Variants in LINGO2 observed in about 807,000 individuals in gnomAD.
LINGO2 encodes leucine-rich repeat and immunoglobulin-like domain-containing nogo receptor-interacting protein 2.
A neutral mutation model predicts 30.6 loss-of-function variants in LINGO2; 14 were observed. The ratio of observed to expected loss-of-function variants is 0.46; its 90% CI spans 0.30 to 0.72. The LOEUF is 0.72. Ranked by LOEUF, LINGO2 falls within the 30% of genes least tolerant of loss-of-function variation. LINGO2 has a pLI of 0.07. For missense variants in LINGO2, 729 were observed against 751.7 expected, an observed-to-expected ratio of 0.97 and a Z score of 0.35; for synonymous variants, 317 against 288.5, an observed-to-expected ratio of 1.10 and a Z score of -1.00.
intron 4 of LINGO2, among the ~76,000 whole-genome samples, chr9:28,293,681 C>T (rs922196320): frequency 2.0e-5 from 3 of 152,036 alleles, no homozygotes; most frequent in Non-Finnish European, 4.4e-5. Context: ...GGAATGTTAA[C>T]GTCTCCAAAA....
intron 1 of LINGO2, among the ~76,000 whole-genome samples, chr9:28,567,712 G>A (rs1400083189): frequency 6.6e-6 from 1 of 151,920 alleles, no homozygotes; most frequent in Non-Finnish European, 1.5e-5. Flanking sequence ...TCCTATTTGG[G>A]TGACGGGTTC....
chr9:28,006,632 C>T (rs1822281243), intron 5 of LINGO2, among the ~76,000 whole-genome samples: 1 of 152,056 alleles, frequency 6.6e-6, no homozygotes, highest in Admixed American at 6.6e-5. Context: ...TCCAAACCAA[C>T]CCTTTTAACC....
At chr9:29,060,185 A>G in the LINGO2 span, among the ~76,000 whole-genome samples, 1 of 152,080 alleles carries the variant, frequency 6.6e-6, no homozygotes, top group Admixed American at 6.6e-5. Flanking sequence ...AGTGGTGCAG[A>G]AAGTTAAATT....
intron 4 of LINGO2, among the ~76,000 whole-genome samples, chr9:28,179,697 A>G (rs1327173788): frequency 6.9e-6 from 1 of 144,830 alleles, no homozygotes; most frequent in East Asian, 2.0e-4. Flanking sequence ...ACTATAGTAT[A>G]TATATATTCT....
chr9:27,980,163 A>C (rs527779627), intron 5 of LINGO2, among the ~76,000 whole-genome samples: 35 of 152,094 alleles, frequency 2.3e-4, no homozygotes, highest in African/African-American at 7.2e-4. Flanking sequence ...TAGCCAGAAG[A>C]AGCAAAATAA....
chr9:28,980,455 T>A, the LINGO2 span, among the ~76,000 whole-genome samples: 1 of 152,094 alleles, frequency 6.6e-6, no homozygotes, highest in East Asian at 1.9e-4. Context: ...ACATACAGAA[T>A]CCACAACCCC....
At chr9:28,587,547 T>C (rs1824620959) in intron 1 of LINGO2, among the ~76,000 whole-genome samples, 1 of 151,894 alleles carries the variant, frequency 6.6e-6, no homozygotes, top group Admixed American at 6.6e-5. Flanking sequence ...CTTGGCTACC[T>C]GACTGTAGGA....
the LINGO2 span, among the ~76,000 whole-genome samples, chr9:28,851,565 C>T: frequency 1.3e-5 from 2 of 152,004 alleles, no homozygotes; most frequent in East Asian, 1.9e-4. Context: ...GGGATTAGGA[C>T]ATAACATCTA....
chr9:28,828,877 A>C, the LINGO2 span, among the ~76,000 whole-genome samples: 1 of 152,138 alleles, frequency 6.6e-6, no homozygotes, highest in Non-Finnish European at 1.5e-5. Flanking sequence ...CTTGCATCAC[A>C]CAGTCTAGTG....
intron 4 of LINGO2, among the ~76,000 whole-genome samples, chr9:28,041,335 C>T (rs569054276): frequency 3.0e-4 from 45 of 152,304 alleles, no homozygotes; most frequent in African/African-American, 9.9e-4. Context: ...AGTAGATAGA[C>T]TGGCTGTTGT....
At chr9:28,494,762 T>C (rs1206836581) in intron 1 of LINGO2, among the ~76,000 whole-genome samples, 3 of 152,200 alleles carry the variant, frequency 2.0e-5, no homozygotes, top group Admixed American at 1.3e-4. Flanking sequence ...CAAATAGTAT[T>C]TCTAGTTCTA....
At chr9:28,070,884 A>T (rs923793561) in intron 4 of LINGO2, among the ~76,000 whole-genome samples, 1 of 151,980 alleles carries the variant, frequency 6.6e-6, no homozygotes, top group Non-Finnish European at 1.5e-5. Flanking sequence ...CCTATTTTTT[A>T]AAATTCTTAT....
intron 2 of LINGO2, among the ~76,000 whole-genome samples, chr9:28,393,525 G>A (rs1434642576): frequency 6.6e-6 from 1 of 152,116 alleles, no homozygotes; most frequent in Non-Finnish European, 1.5e-5. Flanking sequence ...TATCCTTCAG[G>A]TAGGAGAGGT....
chr9:28,550,065 TA>T (rs1294614238), intron 1 of LINGO2, among the ~76,000 whole-genome samples: 1 of 151,928 alleles, frequency 6.6e-6, no homozygotes, highest in African/African-American at 2.4e-5. Context: ...CTTTGCATTT[TA>T]TATTTTAAAT....
At chr9:28,754,397 C>T in the LINGO2 span, among the ~76,000 whole-genome samples, 1 of 152,034 alleles carries the variant, frequency 6.6e-6, no homozygotes, top group Non-Finnish European at 1.5e-5. Context: ...ACAGTTGATA[C>T]AGAACAGTGT....
At chr9:28,572,504 C>T (rs1823743822) in intron 1 of LINGO2, among the ~76,000 whole-genome samples, 1 of 152,082 alleles carries the variant, frequency 6.6e-6, no homozygotes, top group African/African-American at 2.4e-5. Context: ...ATCTGTGAAG[C>T]ATAACAACAA....
intron 3 of LINGO2, among the ~76,000 whole-genome samples, chr9:28,338,509 G>T (rs1825661630): frequency 6.6e-6 from 1 of 152,040 alleles, no homozygotes; most frequent in South Asian, 2.1e-4. Context: ...CATGAGATTT[G>T]GGAGGTACCA....
chr9:28,561,249 A>G (rs1823041415), intron 1 of LINGO2, among the ~76,000 whole-genome samples: 1 of 151,994 alleles, frequency 6.6e-6, no homozygotes, highest in African/African-American at 2.4e-5. Context: ...GAAAATGAGT[A>G]CGAACTCTGA....
intron 3 of LINGO2, among the ~76,000 whole-genome samples, chr9:28,323,278 A>G (rs1037571838): frequency 6.6e-6 from 1 of 152,152 alleles, no homozygotes; most frequent in Admixed American, 6.5e-5. Flanking sequence ...GTGCCTTTTG[A>G]TATAACTATA....
Sources: gnomAD v4.1 joint callset for allele counts (sites outside exome capture counted in the v4.1 genomes callset) on GRCh38, gnomAD v4.1.1 for gene constraint, MANE v1.5 for transcripts, NCBI Gene and HGNC (gene_info 2026-07-23, HGNC 2026-07-21) for gene names.